FOCAD: variants seen among roughly 807,000 people sequenced by gnomAD.
FOCAD encodes KIAA1797.
A neutral mutation model predicts 225.6 loss-of-function variants in FOCAD; 198 were observed. The ratio of observed to expected loss-of-function variants is 0.88; its 90% CI spans 0.78 to 0.99. The LOEUF is 0.99. Among genes scored for constraint, FOCAD ranks in the 50% least tolerant of loss-of-function variants. FOCAD has a pLI of 0.00. For synonymous variants in FOCAD, 897 were observed against 755.0 expected (o/e 1.19, Z -3.08); for missense variants, 2,713 against 2,123.6 (o/e 1.28, Z -5.46).
At chr9:20,672,762 A>G (rs1439263395) in intron 2 of FOCAD, among the ~76,000 whole-genome samples, 1 of 152,196 alleles carries the variant, frequency 6.6e-6, no homozygotes, top group East Asian at 1.9e-4. Context: ...AAAATAAATT[A>G]TTTTTAAAAA....
At chr9:20,856,115 C>T (rs1409498943) in intron 15 of FOCAD, among the ~76,000 whole-genome samples, 5 of 151,688 alleles carry the variant, frequency 3.3e-5, no homozygotes, top group Non-Finnish European at 1.5e-5. Context: ...ATATATTCAG[C>T]AGTGGGACTG....
At chr9:20,842,203 GAGA>G (rs1826608460) in intron 15 of FOCAD, among the ~76,000 whole-genome samples, 1 of 151,854 alleles carries the variant, frequency 6.6e-6, no homozygotes, top group African/African-American at 2.4e-5. Flanking sequence ...CTGTGCTTAG[GAGA>G]AGAATGTGTA....
intron 21 of FOCAD, among the ~76,000 whole-genome samples, chr9:20,905,604 C>G (rs571937559): frequency 2.6e-5 from 4 of 151,486 alleles, no homozygotes; most frequent in African/African-American, 9.7e-5. Context: ...AAATAGGGCT[C>G]GAAGATAATT....
At chr9:20,694,018 AT>A (rs545948680) in intron 1 of FOCAD, among the ~76,000 whole-genome samples, 1 of 152,166 alleles carries the variant, frequency 6.6e-6, no homozygotes, top group South Asian at 2.1e-4. Flanking sequence ...GCTGCAATCC[AT>A]TTTTTAAAAG....
intron 7 of FOCAD, among the ~76,000 whole-genome samples, chr9:20,767,107 G>C (rs1830115534): frequency 6.6e-6 from 1 of 150,818 alleles, no homozygotes; most frequent in South Asian, 2.1e-4. Context: ...AGTTTACTGA[G>C]AATGATGATT....
chr9:20,939,691 CTTTTAT>C (rs917030507), intron 28 of FOCAD, among the ~76,000 whole-genome samples: 2 of 149,162 alleles, frequency 1.3e-5, no homozygotes, highest in Non-Finnish European at 3.0e-5. Context: ...TTCTTACCTT[CTTTTAT>C]TTTATTTTTT....
intron 2 of FOCAD, among the ~76,000 whole-genome samples, chr9:20,662,264 C>G (rs1166707244): frequency 1.3e-5 from 2 of 151,952 alleles, no homozygotes; most frequent in Non-Finnish European, 2.9e-5. Flanking sequence ...GATGCACAGT[C>G]CAGATCCCAT....
chr9:20,878,124 T>TA lies in FOCAD; in HGVS notation c.2317+3328dup, dbSNP rs35026690. ...ATGCACTTTTGTGGAGTCATATTTG[T>TA]AAAAAAAAAAATGCATAAAACCAAT... On this transcript the variant is annotated intron_variant, in intron 19 of 43. Coordinates refer to ENST00000338382, the MANE Select transcript of FOCAD (RefSeq NM_001375567.1). Among the ~76,000 whole-genome samples the TA allele has an allele frequency of 4.4e-3, 665 of 149,994 alleles. 6 individuals carry two copies. The highest frequency in any genetic ancestry group is 0.014 in the Middle Eastern group (4 of 290).
chr9:20,918,943 T>C (rs1372073748), intron 24 of FOCAD, among the ~76,000 whole-genome samples: 1 of 152,154 alleles, frequency 6.6e-6, no homozygotes, highest in Non-Finnish European at 1.5e-5. Flanking sequence ...GCTGCCAGCT[T>C]AGCTTCCCTT....
At chr9:20,878,135 A>G (rs984767070) in intron 19 of FOCAD, among the ~76,000 whole-genome samples, 1 of 150,724 alleles carries the variant, frequency 6.6e-6, no homozygotes, top group Non-Finnish European at 1.5e-5. Context: ...AAAAAAAAAA[A>G]TGCATAAAAC....
rs537511499 is a variant in FOCAD at position 20,884,130 on chromosome 9, T to C, written c.2504-979T>C. ...AAGTATTTCTCTTTAATTGAAATTTTTAAAAAACTTAATAGAATCTCTAGA... is the reference window on the plus strand; with the variant it reads ...AAGTATTTCTCTTTAATTGAAATTTCTAAAAAACTTAATAGAATCTCTAGA... On this transcript the variant is annotated intron_variant, in intron 20 of 43. Coordinates refer to ENST00000338382, the MANE Select transcript of FOCAD (RefSeq NM_001375567.1). Among the ~76,000 whole-genome samples, 46 of 152,290 alleles carry C rather than the reference T, an allele frequency of 3.0e-4. 1 individual carries two copies. In the Middle Eastern group the frequency reaches 0.017, roughly 56 times the overall value.
At chr9:20,772,070 G>A (rs762469483) in intron 8 of FOCAD, among the ~76,000 whole-genome samples, 4 of 152,172 alleles carry the variant, frequency 2.6e-5, no homozygotes, top group Non-Finnish European at 5.9e-5. Context: ...GGCCTAATGA[G>A]GGAAATGGAA....
Position 20,923,857 on chromosome 9 carries a change from A to G in FOCAD, c.2961+89A>G, listed in dbSNP as rs185589183. The G allele has an allele frequency of 3.2e-6, 3 of 951,484 alleles. No homozygotes were observed. The Admixed American group carries it at 6.2e-5, about 20-fold the overall frequency. The allele number at this position is 951,484 out of a possible 1,614,324, so 58.9% of individuals were successfully genotyped here. A position where few individuals can be genotyped will look rare whatever the true frequency, so the allele number is the denominator to read the frequency against. On this transcript the variant is annotated intron_variant, in intron 25 of 43. Transcript: ENST00000338382. ...CCTGGCCCTGGGCTTACAAGGTTAG[A>G]TTCTGTGATTATGGCACCAAGTTAT... is the stretch of plus-strand genomic sequence containing the variant.
chr9:20,815,137 G>GTTTTGTTTTTTTTTTT (rs1823562738), intron 11 of FOCAD, among the ~76,000 whole-genome samples: 1 of 69,116 alleles, frequency 1.4e-5, no homozygotes, highest in African/African-American at 6.0e-5. Context: ...TTTTTTTTTT[G>GTTTTGTTTTTTTTTTT]TTTTTTTTTT....
At chr9:20,694,732 TTCTC>T (rs1823212940) in intron 1 of FOCAD, among the ~76,000 whole-genome samples, 1 of 152,232 alleles carries the variant, frequency 6.6e-6, no homozygotes, top group African/African-American at 2.4e-5. Context: ...AATCTTGTTT[TTCTC>T]TCTAACATTT....
chr9:20,711,943 C>A (rs1824882934), intron 1 of FOCAD, among the ~76,000 whole-genome samples: 1 of 152,100 alleles, frequency 6.6e-6, no homozygotes, highest in African/African-American at 2.4e-5. Context: ...ACAGTGTTTC[C>A]CAGTGTGTAT....
intron 4 of FOCAD, among the ~76,000 whole-genome samples, chr9:20,721,738 G>C (rs900106470): frequency 6.6e-6 from 1 of 151,972 alleles, no homozygotes; most frequent in African/African-American, 2.4e-5. Flanking sequence ...AGATTCCTGG[G>C]CTTGAAGTTG....
chr9:20,889,792 A>G (rs200195923), intron 21 of FOCAD, among the ~76,000 whole-genome samples: 1 of 152,218 alleles, frequency 6.6e-6, no homozygotes, highest in Non-Finnish European at 1.5e-5. Context: ...GCTGATTTCA[A>G]TGGTAAATGC....
chr9:20,789,198 T>C (rs567901385), intron 10 of FOCAD, 153 bp from the exon 11 acceptor site: 9 of 789,444 alleles, frequency 1.1e-5, no homozygotes, highest in Admixed American at 8.1e-5. Context: ...TTACCTCAAA[T>C]ATGTGCAGAG....
Sources: allele counts gnomAD v4.1 joint callset (sites outside exome capture counted in the v4.1 genomes callset), GRCh38; gene constraint gnomAD v4.1.1; transcripts MANE v1.5; gene names NCBI Gene and HGNC (gene_info 2026-07-23, HGNC 2026-07-21).